AGR3: variants seen among roughly 807,000 people sequenced by gnomAD.
The protein encoded by AGR3 is anterior gradient 3, protein disulphide isomerase family member.
A neutral mutation model predicts 24.5 loss-of-function variants in AGR3; 37 were observed. The observed-to-expected ratio is 1.51, with a 90% CI of 1.16 to 1.99. The LOEUF (loss-of-function observed/expected upper bound fraction) is 1.99, where lower values mean the gene tolerates loss of function less well. AGR3 is among the 30% of genes most tolerant of loss of function. The pLI is 0.00. For synonymous variants in AGR3, 75 were observed against 61.6 expected, an observed-to-expected ratio of 1.22 and a Z score of -1.02; for missense variants, 228 against 191.1, an observed-to-expected ratio of 1.19 and a Z score of -1.14.
At chr7:16,857,298 T>C (rs1781566270), downstream of AGR3, among the ~76,000 whole-genome samples, 1 of 152,204 alleles carries the variant, frequency 6.6e-6, no homozygotes, top group Non-Finnish European at 1.5e-5. Context: ...ATTATATGTA[T>C]AACAACATAG....
At chr7:16,869,471 T>C (rs975523362) in intron 3 of AGR3, among the ~76,000 whole-genome samples, 1 of 152,152 alleles carries the variant, frequency 6.6e-6, no homozygotes, top group Non-Finnish European at 1.5e-5. Flanking sequence ...CTCATGCCTG[T>C]AATCCCAGCA....
chr7:16,877,737 C>T (rs1782015231), intron 2 of AGR3, among the ~76,000 whole-genome samples: 1 of 151,922 alleles, frequency 6.6e-6, no homozygotes, highest in Non-Finnish European at 1.5e-5. Flanking sequence ...GTGGCGGGCG[C>T]CTGTAGTCCC....
intron 2 of AGR3, among the ~76,000 whole-genome samples, chr7:16,876,281 C>G (rs1781985256): frequency 6.6e-6 from 1 of 152,166 alleles, no homozygotes; most frequent in African/African-American, 2.4e-5. Context: ...ATCTCTATCT[C>G]TGGCTATATT....
At position 16,878,559 on chromosome 7, in the gene AGR3, A is replaced by G. The variant is rs761952277; in HGVS notation, c.60T>C (p.Leu20=). The G allele has an allele frequency of 1.2e-5, 20 of 1,614,156 alleles. No individual in the cohort carries two copies. Among genetic ancestry groups the G allele is most frequent in the Non-Finnish European group, 1.7e-5 (20 of 1,180,012 alleles). The change falls in exon 2 of 8, where the codon CTT becomes CTC. Residue 20 remains leucine, a synonymous_variant. Coordinates refer to ENST00000310398, the MANE Select transcript of AGR3 (RefSeq NM_176813.5). ...TCTTTTCCTTTTTTATTGCAATGGC[A>G]AGGTTGGAAGAAACTGTGACGAGTA... ...CLLLVTVSSN[L]AIAIKKEKRP...
In AGR3 at chr7:16,862,619, A is replaced by G. The variant is rs1229952322; in HGVS notation, c.217T>C (p.Tyr73His). Residue 73 changes from tyrosine to histidine, a missense_variant, in exon 4 of 8, where the codon TAC (tyrosine) becomes CAC (histidine). Coordinates refer to ENST00000310398, the MANE Select transcript of AGR3 (RefSeq NM_176813.5). ...MVIHHLEDCQ[Y>H]SQALKKVFAQ... ...CAGGGGCTAAAATTACCTTGAGAGT[A>G]TTGACAATCCTCCAGGTGATGAATA... The G allele has an allele frequency of 1.3e-6, 2 of 1,532,842 alleles. No homozygotes were observed. Among genetic ancestry groups the G allele is most frequent in the East Asian group, 2.5e-5 (1 of 39,570 alleles). 95.0% of individuals were successfully genotyped at this position (1,532,842 alleles called of 1,614,324 possible).
At chr7:16,875,009 G>A (rs1021864355) in intron 2 of AGR3, among the ~76,000 whole-genome samples, 9 of 151,590 alleles carry the variant, frequency 5.9e-5, no homozygotes, top group East Asian at 1.9e-4. Context: ...CCAGCTACTC[G>A]GGAGGCTGAG....
In AGR3 at chr7:16,864,741, G is replaced by C. The variant is rs185050158; in HGVS notation, c.174-2079C>G. ...TTAGAAACCACTGCGGTGTGTGCGA[G>C]GGTCAAAAACTTGATCCTTCTCCTT... On this transcript the variant is annotated intron_variant, in intron 3 of 7. Transcript: ENST00000310398. The C allele has an allele frequency of 1.7e-3, 2,401 of 1,377,286 alleles. 8 individuals are homozygous for C. The highest frequency in any genetic ancestry group is 2.3e-3 in the Non-Finnish European group (2,196 of 964,756). 85.3% of individuals were successfully genotyped at this position (1,377,286 alleles called of 1,614,324 possible).
At chr7:16,863,274 A>C (rs1374375313) in intron 3 of AGR3, among the ~76,000 whole-genome samples, 1 of 152,216 alleles carries the variant, frequency 6.6e-6, no homozygotes. Context: ...TCCAATGAAC[A>C]CTTAGTATAA....
At chr7:16,879,340 G>C (rs1356944171) in intron 1 of AGR3, among the ~76,000 whole-genome samples, 1 of 152,300 alleles carries the variant, frequency 6.6e-6, no homozygotes, top group Admixed American at 6.5e-5. Context: ...TGGTTAGCTA[G>C]AATTCAAACT....
At chr7:16,878,001 T>C (rs1174204262) in intron 2 of AGR3, among the ~76,000 whole-genome samples, 1 of 152,196 alleles carries the variant, frequency 6.6e-6, no homozygotes, top group Non-Finnish European at 1.5e-5. Context: ...AATCCTTGAT[T>C]ATGTCTAAAA....
intron 5 of AGR3, 31 bp downstream of exon 5, chr7:16,861,953 G>T: frequency 3.5e-5 from 48 of 1,367,766 alleles, no homozygotes; most frequent in African/African-American, 4.5e-5. Context: ...TGAAATTATA[G>T]TATTAAGAAA....
intron 3 of AGR3, among the ~76,000 whole-genome samples, chr7:16,869,708 G>T (rs1781829663): frequency 6.6e-6 from 1 of 150,960 alleles, no homozygotes; most frequent in Non-Finnish European, 1.5e-5. Context: ...GGGGGCAGGG[G>T]GAACCTGTTT....
chr7:16,868,185 C>T (rs376928271), intron 3 of AGR3, among the ~76,000 whole-genome samples: 1 of 150,534 alleles, frequency 6.6e-6, no homozygotes, highest in Non-Finnish European at 1.5e-5. Flanking sequence ...GATGGAGTTT[C>T]GCTCTTGTTG....
At position 16,860,519 on chromosome 7, in the gene AGR3, C is replaced by T; in HGVS notation, c.432G>A (p.Glu144=). ...ACTTACATAGGGGTAAATCCCGAGG[C>T]TCATATGTGTACAATCTGTTAGAGT... ...GRYSNRLYTY[E]PRDLPLLIEN... The change falls in exon 7 of 8, where the codon GAG becomes GAA. Residue 144 remains glutamate, a synonymous_variant. Coordinates refer to ENST00000310398, the MANE Select transcript of AGR3 (RefSeq NM_176813.5). 6 of 1,613,326 alleles carry T rather than the reference C, an allele frequency of 3.7e-6. No individual in the cohort carries two copies. The highest frequency in any genetic ancestry group is 2.2e-5 in the East Asian group (1 of 44,860).
intron 4 of AGR3, 88 bp from the exon 5 acceptor site, chr7:16,862,148 T>C (rs992604589): frequency 9.7e-7 from 1 of 1,026,184 alleles, no homozygotes; most frequent in Non-Finnish European, 1.5e-6. Flanking sequence ...TATTTAGCAT[T>C]TGTTTGCATA....
At chr7:16,865,671 C>A in intron 3 of AGR3, 1 of 803,876 alleles carries the variant, frequency 1.2e-6, no homozygotes, top group South Asian at 1.3e-5. Flanking sequence ...AGATGATCTC[C>A]AAGCATTTGT....
downstream of AGR3, among the ~76,000 whole-genome samples, chr7:16,858,617 ATCCCAACAC>A (rs1781585563): frequency 1.3e-5 from 2 of 152,142 alleles, no homozygotes; most frequent in Admixed American, 6.5e-5. Flanking sequence ...CGGGCCTGTA[ATCCCAACAC>A]TTTGGGAGGC....
intron 2 of AGR3, among the ~76,000 whole-genome samples, chr7:16,877,825 T>C (rs1314958029): frequency 7.1e-6 from 1 of 140,832 alleles, no homozygotes; most frequent in Non-Finnish European, 1.5e-5. Flanking sequence ...ATCGTGCCAC[T>C]ACACTCCAGC....
At chr7:16,868,598 T>G (rs1781806031) in intron 3 of AGR3, among the ~76,000 whole-genome samples, 1 of 152,222 alleles carries the variant, frequency 6.6e-6, no homozygotes, top group Admixed American at 6.5e-5. Context: ...TCTATTCTGT[T>G]GGTTATTTCT....
Sources: allele counts gnomAD v4.1 joint callset (sites outside exome capture counted in the v4.1 genomes callset), GRCh38; gene constraint gnomAD v4.1.1; transcripts MANE v1.5; gene names NCBI Gene and HGNC (gene_info 2026-07-23, HGNC 2026-07-21).